Variants in LRRTM4 observed in about 807,000 individuals in gnomAD.
The protein encoded by LRRTM4 is leucine rich repeat transmembrane neuronal 4.
In LRRTM4, 25 loss-of-function variants were observed where a neutral mutation model predicts 47.6. The ratio of observed to expected loss-of-function variants is 0.53; its 90% CI spans 0.38 to 0.73. The LOEUF (loss-of-function observed/expected upper bound fraction) is 0.73. Ranked by LOEUF, LRRTM4 falls within the 30% of genes least tolerant of loss-of-function variation. LRRTM4 has a pLI of 0.00. For missense variants in LRRTM4, 638 were observed against 713.4 expected (o/e 0.89, Z 1.20); for synonymous variants, 311 against 269.5 (o/e 1.15, Z -1.51).
In LRRTM4 at chr2:76,977,958, A is replaced by C. The variant is rs191656969; in HGVS notation, c.1552-229042T>G. The stretch of plus-strand genomic sequence containing the variant: ...AAAGGCTTGCTGAGCCAGAAACATA[A>C]ATGGCTTTGATAGCACTGGAGTTGA... On this transcript the variant is annotated intron_variant, in intron 3 of 3. Transcript: ENST00000409884. 3.5e-3 allele frequency among the ~76,000 whole-genome samples: 532 copies of C among 152,126 alleles called. 1 individual carries two copies. Among genetic ancestry groups the C allele is most frequent in the Non-Finnish European group, 5.9e-3 (400 of 67,942 alleles).
chr2:77,140,599 G>A (rs997504042), intron 3 of LRRTM4, among the ~76,000 whole-genome samples: 2 of 151,884 alleles, frequency 1.3e-5, no homozygotes, highest in African/African-American at 4.8e-5. Flanking sequence ...CAAAAGCAAT[G>A]GCAACAAAAG....
chr2:77,422,422 A>T (rs1674937468), intron 3 of LRRTM4, among the ~76,000 whole-genome samples: 1 of 152,200 alleles, frequency 6.6e-6, no homozygotes, highest in African/African-American at 2.4e-5. Flanking sequence ...GGTACCAGCA[A>T]GTTGCAATTT....
At chr2:77,258,497 T>G (rs1174808080) in intron 3 of LRRTM4, among the ~76,000 whole-genome samples, 1 of 152,104 alleles carries the variant, frequency 6.6e-6, no homozygotes, top group East Asian at 1.9e-4. Context: ...ACATAATGTA[T>G]AATCCATGAG....
At chr2:76,877,860 T>C (rs1672821416) in intron 3 of LRRTM4, among the ~76,000 whole-genome samples, 1 of 152,106 alleles carries the variant, frequency 6.6e-6, no homozygotes, top group African/African-American at 2.4e-5. Context: ...AGCAAACCCC[T>C]AATCTGTATA....
At chr2:77,393,513 A>G (rs1168188100) in intron 3 of LRRTM4, among the ~76,000 whole-genome samples, 1 of 152,038 alleles carries the variant, frequency 6.6e-6, no homozygotes, top group African/African-American at 2.4e-5. Flanking sequence ...ACCAAACTAG[A>G]GAAGAAGGCT....
chr2:77,196,524 A>C (rs1673831082), intron 3 of LRRTM4, among the ~76,000 whole-genome samples: 1 of 152,142 alleles, frequency 6.6e-6, no homozygotes, highest in South Asian at 2.1e-4. Flanking sequence ...GCAGCAGATC[A>C]CTTAAGGTCA....
intron 3 of LRRTM4, among the ~76,000 whole-genome samples, chr2:76,764,798 C>G (rs1324542120): frequency 2.0e-5 from 3 of 152,140 alleles, no homozygotes; most frequent in Non-Finnish European, 4.4e-5. Context: ...AGTTTTCCTT[C>G]TAGAAAAGGG....
intron 3 of LRRTM4, among the ~76,000 whole-genome samples, chr2:77,276,683 A>G (rs1676365644): frequency 1.9e-5 from 1 of 51,310 alleles, no homozygotes; most frequent in African/African-American, 7.0e-5. Flanking sequence ...AAATTTGTGT[A>G]CGCATATATA....
chr2:76,948,761 G>A (rs939886972), intron 3 of LRRTM4, among the ~76,000 whole-genome samples: 5 of 151,840 alleles, frequency 3.3e-5, no homozygotes, highest in African/African-American at 1.2e-4. Flanking sequence ...AGGACTCATT[G>A]AATAGTTTTA....
intron 3 of LRRTM4, among the ~76,000 whole-genome samples, chr2:77,220,604 A>C (rs1558639859): frequency 6.6e-6 from 1 of 152,222 alleles, no homozygotes; most frequent in African/African-American, 2.4e-5. Context: ...AAAGGGTATC[A>C]GTGATGGAAG....
chr2:76,916,309 C>T (rs905876154), intron 3 of LRRTM4, among the ~76,000 whole-genome samples: 3 of 139,792 alleles, frequency 2.1e-5, no homozygotes, highest in African/African-American at 8.2e-5. Context: ...GGCGTGAACC[C>T]GGTAGGTGGA....
chr2:77,103,658 TATATAG>T (rs1003287380), intron 3 of LRRTM4, among the ~76,000 whole-genome samples: 50 of 144,894 alleles, frequency 3.5e-4, no homozygotes, highest in Admixed American at 1.5e-3. Flanking sequence ...TATATATATA[TATATAG>T]ATATATATAT....
At chr2:76,861,819 G>A (rs1385129422) in intron 3 of LRRTM4, among the ~76,000 whole-genome samples, 1 of 152,122 alleles carries the variant, frequency 6.6e-6, no homozygotes, top group African/African-American at 2.4e-5. Context: ...TGACATAAAG[G>A]AATGTCTGCT....
chr2:77,476,416 T>A (rs181525490), intron 3 of LRRTM4, among the ~76,000 whole-genome samples: 5 of 152,254 alleles, frequency 3.3e-5, no homozygotes, highest in Non-Finnish European at 5.9e-5. Context: ...TCAAATCATC[T>A]GACTGCAATG....
intron 3 of LRRTM4, among the ~76,000 whole-genome samples, chr2:77,056,709 G>A (rs1679621252): frequency 6.6e-6 from 1 of 152,060 alleles, no homozygotes. Context: ...GTATATTCTT[G>A]GCTAAATTAT....
intron 3 of LRRTM4, among the ~76,000 whole-genome samples, chr2:76,838,838 C>T (rs570775649): frequency 5.9e-5 from 9 of 152,096 alleles, no homozygotes; most frequent in South Asian, 2.1e-4. Context: ...ATTTCATCTT[C>T]GAAAATTTCA....
chr2:77,078,245 C>A (rs1680409997), intron 3 of LRRTM4, among the ~76,000 whole-genome samples: 1 of 152,108 alleles, frequency 6.6e-6, no homozygotes, highest in Admixed American at 6.5e-5. Context: ...CAATAACTGG[C>A]AATGTTGAAT....
At chr2:77,193,527 C>T (rs1173064283) in intron 3 of LRRTM4, among the ~76,000 whole-genome samples, 16 of 150,310 alleles carry the variant, frequency 1.1e-4, no homozygotes, top group Non-Finnish European at 1.9e-4. Flanking sequence ...AAATATTTTT[C>T]GGCCGGGCGT....
intron 3 of LRRTM4, among the ~76,000 whole-genome samples, chr2:77,435,417 G>T (rs1318020180): frequency 6.6e-6 from 1 of 152,074 alleles, no homozygotes; most frequent in Non-Finnish European, 1.5e-5. Context: ...TTGCTGTATT[G>T]CTTAGCTAAA....
Sources: allele counts gnomAD v4.1 joint callset (sites outside exome capture counted in the v4.1 genomes callset), GRCh38; gene constraint gnomAD v4.1.1; transcripts MANE v1.5; gene names NCBI Gene and HGNC (gene_info 2026-07-23, HGNC 2026-07-21).